Variants in KLF17 observed in about 807,000 individuals in gnomAD.
KLF17 encodes the protein Krueppel-like factor 17.
KLF17 carries 31 observed loss-of-function variants against 34.2 expected under a neutral mutation model. The observed-to-expected ratio is 0.91, with a 90% CI of 0.68 to 1.22. The LOEUF (loss-of-function observed/expected upper bound fraction) is 1.22, where lower values mean the gene tolerates loss of function less well. KLF17 is among the 50% of genes most tolerant of loss of function. The probability of loss-of-function intolerance (pLI) is 0.00; values close to 1 mark genes in which losing one functional copy is unlikely to be tolerated. For missense variants in KLF17, 478 were observed against 505.2 expected (o/e 0.95, Z 0.52); for synonymous variants, 179 against 186.7 (o/e 0.96, Z 0.34).
chr1:44,061,511 G>A, the KLF17 span, among the ~76,000 whole-genome samples: 2 of 152,156 alleles, frequency 1.3e-5, no homozygotes, highest in South Asian at 4.1e-4. Context: ...CATTGCCATG[G>A]CAATGCCCTG....
chr1:44,070,759 C>CA, the KLF17 span, among the ~76,000 whole-genome samples: 5 of 151,824 alleles, frequency 3.3e-5, no homozygotes, highest in Non-Finnish European at 7.4e-5. Flanking sequence ...AGTAGACAAA[C>CA]AAAGCACATG....
the KLF17 span, chr1:44,051,337 C>A: frequency 6.6e-6 from 1 of 152,260 alleles, no homozygotes; most frequent in Admixed American, 6.5e-5. Context: ...ACTGCTACTG[C>A]CTCATGTAGG....
chr1:44,062,102 T>A, the KLF17 span, among the ~76,000 whole-genome samples: 1 of 152,190 alleles, frequency 6.6e-6, no homozygotes, highest in Non-Finnish European at 1.5e-5. Context: ...AAGCCAAGAA[T>A]CTTCCTGGGA....
chr1:44,061,264 G>A, the KLF17 span: 1 of 152,228 alleles, frequency 6.6e-6, no homozygotes, highest in Non-Finnish European at 1.5e-5. Flanking sequence ...GGCTAGACAG[G>A]ACCAACATCC....
chr1:44,106,990 T>G, the KLF17 span: 1 of 152,148 alleles, frequency 6.6e-6, no homozygotes, highest in African/African-American at 2.4e-5. Context: ...GACAGTTATC[T>G]CTGGTTTATC....
At chr1:44,099,928 G>GAA in the KLF17 span, among the ~76,000 whole-genome samples, 1 of 120,534 alleles carries the variant, frequency 8.3e-6, no homozygotes, top group East Asian at 2.7e-4. Flanking sequence ...AAAAGAAAGG[G>GAA]AGGGAGGGAG....
At chr1:44,075,942 T>C in the KLF17 span, 23 of 152,344 alleles carry the variant, frequency 1.5e-4, no homozygotes, top group African/African-American at 4.8e-4. Context: ...GGGTATTACA[T>C]TTTCAACTTT....
chr1:44,062,565 A>T, the KLF17 span, among the ~76,000 whole-genome samples: 118 of 31,530 alleles, frequency 3.7e-3, no homozygotes, highest in African/African-American at 0.018. Context: ...TAATTAATTA[A>T]AAAAAAAAAG....
chr1:44,106,141 C>T, the KLF17 span, among the ~76,000 whole-genome samples: 1 of 152,006 alleles, frequency 6.6e-6, no homozygotes, highest in South Asian at 2.1e-4. Context: ...CATCCTATTC[C>T]TACTTCCACT....
At chr1:44,047,423 G>A in the KLF17 span, among the ~76,000 whole-genome samples, 1 of 152,128 alleles carries the variant, frequency 6.6e-6, no homozygotes, top group Admixed American at 6.5e-5. Flanking sequence ...ACAGATGGTG[G>A]GAACCAGAAG....
the KLF17 span, among the ~76,000 whole-genome samples, chr1:44,067,495 AG>A: frequency 6.6e-6 from 1 of 152,196 alleles, no homozygotes; most frequent in East Asian, 1.9e-4. Context: ...GAGTCCTCTC[AG>A]AAGAAGAGGT....
chr1:44,121,041 TAG>T (rs2087939514), intron 1 of KLF17, among the ~76,000 whole-genome samples: 1 of 152,168 alleles, frequency 6.6e-6, no homozygotes, highest in South Asian at 2.1e-4. Flanking sequence ...CCAACTCTTC[TAG>T]AGTTTTTTTT....
chr1:44,077,811 C>T, the KLF17 span, among the ~76,000 whole-genome samples: 1,477 of 152,302 alleles, frequency 9.7e-3, 10 homozygotes, highest in Non-Finnish European at 0.017. Flanking sequence ...TGGCCTTGAA[C>T]ATTACTTCTG....
the KLF17 span, among the ~76,000 whole-genome samples, chr1:44,058,667 C>CT: frequency 6.0e-3 from 390 of 65,202 alleles, 67 homozygotes; most frequent in East Asian, 0.011. Context: ...ATGGGAGGCC[C>CT]TTTTTTTTTT....
chr1:44,096,684 G>A, the KLF17 span, among the ~76,000 whole-genome samples: 1 of 151,370 alleles, frequency 6.6e-6, no homozygotes, highest in African/African-American at 2.4e-5. Flanking sequence ...ACAGGCATGA[G>A]CCACTGTGCC....
chr1:44,048,313 T>C, the KLF17 span: 1 of 152,234 alleles, frequency 6.6e-6, no homozygotes, highest in African/African-American at 2.4e-5. Context: ...GATGTCCAGT[T>C]AAGCTGGGAA....
the KLF17 span, among the ~76,000 whole-genome samples, chr1:44,069,469 C>CGAGAGAGAGAGAGAGA: frequency 2.4e-5 from 3 of 127,084 alleles, no homozygotes; most frequent in African/African-American, 9.1e-5. The surrounding 1 kb of genome is among the most constrained non-coding windows in gnomAD (Gnocchi z 4.7). Flanking sequence ...TGTTACATGG[C>CGAGAGAGAGAGAGAGA]GAGAGAGAGA....
At chr1:44,100,434 A>G in the KLF17 span, among the ~76,000 whole-genome samples, 1 of 152,108 alleles carries the variant, frequency 6.6e-6, no homozygotes, top group Non-Finnish European at 1.5e-5. Context: ...GCTAATTTAT[A>G]TATTTTATAA....
At chr1:44,124,361 G>A (rs951525066) in intron 1 of KLF17, among the ~76,000 whole-genome samples, 11 of 146,552 alleles carry the variant, frequency 7.5e-5, no homozygotes, top group African/African-American at 2.5e-4. Context: ...ACAGAGTCTC[G>A]CTGTGTTGCC....
Sources: allele counts gnomAD v4.1 joint callset (sites outside exome capture counted in the v4.1 genomes callset), GRCh38; gene constraint gnomAD v4.1.1; non-coding constraint Gnocchi (gnomAD v3.1); transcripts MANE v1.5; gene names NCBI Gene and HGNC (gene_info 2026-07-23, HGNC 2026-07-21).